The following ADGRG2 variants were observed in gnomAD, a reference collection of about 807,000 sequenced individuals.
ADGRG2 encodes the protein G protein-coupled receptor 64.
In ADGRG2, 26 loss-of-function variants were observed where a neutral mutation model predicts 74.1. That is an observed-to-expected ratio of 0.35 (90% CI 0.26 to 0.49). ADGRG2 has a LOEUF of 0.49. Ranked by LOEUF, ADGRG2 falls within the 20% of genes least tolerant of loss-of-function variation. The pLI is 0.99. For synonymous variants in ADGRG2, 296 were observed against 295.2 expected, an observed-to-expected ratio of 1.00 and a Z score of -0.03; for missense variants, 619 against 763.1, an observed-to-expected ratio of 0.81 and a Z score of 2.22.
At chrX:19,078,100 A>G (rs1469428933) in intron 2 of ADGRG2, among the ~76,000 whole-genome samples, 1 of 112,538 alleles carries the variant, frequency 8.9e-6, no homozygotes, top group African/African-American at 3.2e-5. Context: ...TGTGAAAACC[A>G]TCCAGACCAA....
chrX:19,107,212 G>A (rs1183344653), intron 1 of ADGRG2, among the ~76,000 whole-genome samples: 1 of 112,186 alleles, frequency 8.9e-6, no homozygotes, highest in Non-Finnish European at 1.9e-5. Context: ...TGCTGAATCC[G>A]CATATGCATT....
chrX:19,046,866 T>C (rs755229214), intron 3 of ADGRG2, among the ~76,000 whole-genome samples: 7 of 110,854 alleles, frequency 6.3e-5, no homozygotes, highest in Non-Finnish European at 1.1e-4. Context: ...TACCCTGACT[T>C]CCCCTTTCCT....
At chrX:19,080,490 G>A (rs1423200692) in intron 2 of ADGRG2, among the ~76,000 whole-genome samples, 1 of 110,928 alleles carries the variant, frequency 9.0e-6, no homozygotes, top group Non-Finnish European at 1.9e-5. Flanking sequence ...GTGTAAACTT[G>A]GGCTGTTCCT....
chrX:19,068,820 G>A lies in ADGRG2; in HGVS notation c.15C>T (p.Val5=). 9.1e-7 allele frequency: 1 copy of A among 1,099,953 alleles called. No homozygotes were observed. The allele number at this position is 1,099,953 out of a possible 1,213,427, so 90.6% of individuals were successfully genotyped here. ...TTCTGCCAACATGGCCACACTGCCT[G>A]ACAGAGAAAACCATCCTGGAATAAA... The part of the protein sequence containing the change: MVFS[V]RQCGHVGRTE... The change falls in exon 3 of 29, where the codon GTC becomes GTT. Residue 5 remains valine, a synonymous_variant. Transcript: ENST00000379869.
chrX:19,108,048 G>A (rs1367871716), intron 1 of ADGRG2, among the ~76,000 whole-genome samples: 1 of 102,482 alleles, frequency 9.8e-6, no homozygotes, highest in African/African-American at 3.6e-5. Flanking sequence ...GCAGTGAGCC[G>A]AGATCGCGCC....
intron 23 of ADGRG2, among the ~76,000 whole-genome samples, chrX:19,003,863 T>C (rs913837177): frequency 2.7e-5 from 3 of 112,188 alleles, no homozygotes; most frequent in Non-Finnish European, 5.6e-5. Flanking sequence ...AATGAGATCA[T>C]GGAAAGAAGA....
At chrX:19,046,737 C>A (rs185795345) in intron 3 of ADGRG2, among the ~76,000 whole-genome samples, 2 of 111,717 alleles carry the variant, frequency 1.8e-5, no homozygotes, top group Admixed American at 1.9e-4. Flanking sequence ...ATGAACAGAG[C>A]CACAAGGCAG....
At chrX:19,058,939 T>C (rs1029124480) in intron 3 of ADGRG2, among the ~76,000 whole-genome samples, 2 of 112,807 alleles carry the variant, frequency 1.8e-5, no homozygotes, top group Non-Finnish European at 1.9e-5. Context: ...GTTGCTTTTA[T>C]GCCTTAGATC....
chrX:19,021,750 C>T (rs1039602020), intron 13 of ADGRG2, among the ~76,000 whole-genome samples: 2 of 110,750 alleles, frequency 1.8e-5, no homozygotes, highest in Admixed American at 9.5e-5. Context: ...CAGGTTCAAG[C>T]GATTCTCCTC....
chrX:19,120,970 G>A lies in ADGRG2; in HGVS notation c.-47+1472C>T, dbSNP rs753075603. On this transcript the variant is annotated intron_variant, in intron 1 of 28. Transcript: ENST00000379869. The stretch of plus-strand genomic sequence containing the variant: ...GCTAATGCAAAGCTGTCCTTGGTGC[G>A]GAAGATTTGCATTTGTAGAGAATCT... Among the ~76,000 whole-genome samples the A allele has an allele frequency of 2.7e-5, 3 of 112,189 alleles. No homozygotes were observed. In the Admixed American group the frequency reaches 2.8e-4, roughly 11 times the overall value.
At chrX:19,062,082 T>C (rs1174073808) in intron 3 of ADGRG2, among the ~76,000 whole-genome samples, 6 of 111,837 alleles carry the variant, frequency 5.4e-5, no homozygotes, top group Non-Finnish European at 1.9e-5. Flanking sequence ...TCATCCTCCA[T>C]CTGACCCCTG....
intron 3 of ADGRG2, among the ~76,000 whole-genome samples, chrX:19,050,408 A>G (rs2061296449): frequency 8.9e-6 from 1 of 111,896 alleles, no homozygotes; most frequent in Non-Finnish European, 1.9e-5. Context: ...GAAGTCTGCG[A>G]GCATAGAACT....
chrX:19,037,966 A>G (rs1369013687), intron 4 of ADGRG2, among the ~76,000 whole-genome samples: 1 of 112,369 alleles, frequency 8.9e-6, no homozygotes, highest in East Asian at 2.8e-4. Flanking sequence ...GCATTCTAGA[A>G]AACATTTTAA....
At chrX:19,006,167 C>T in intron 21 of ADGRG2, 53 bp downstream of exon 21, 2 of 1,110,306 alleles carry the variant, frequency 1.8e-6, no homozygotes, top group Non-Finnish European at 2.5e-6. Flanking sequence ...TGACTTCACA[C>T]CCTCCCCAAT....
chrX:18,995,483 A>G (rs1325597542), intron 27 of ADGRG2, among the ~76,000 whole-genome samples: 1 of 111,724 alleles, frequency 9.0e-6, no homozygotes, highest in African/African-American at 3.3e-5. Flanking sequence ...GGTGGTATTC[A>G]TGCAAAAGGA....
intron 11 of ADGRG2, among the ~76,000 whole-genome samples, chrX:19,024,552 CAG>C (rs1219923127): frequency 8.9e-6 from 1 of 112,495 alleles, no homozygotes; most frequent in Non-Finnish European, 1.9e-5. Context: ...AGTTCTCAAA[CAG>C]GGGAGAGTCT....
chrX:19,053,857 G>A (rs954014035), intron 3 of ADGRG2, among the ~76,000 whole-genome samples: 1 of 111,472 alleles, frequency 9.0e-6, no homozygotes, highest in Non-Finnish European at 1.9e-5. Flanking sequence ...AAGAGCAAAG[G>A]GATGTCTTAT....
At chrX:19,091,492 TCACA>T (rs57540002) in intron 1 of ADGRG2, among the ~76,000 whole-genome samples, 6,620 of 82,257 alleles carry the variant, frequency 0.08, 259 homozygotes, top group African/African-American at 0.13. Flanking sequence ...AGATTTTATG[TCACA>T]CACACACACA....
In ADGRG2 at chrX:18,998,337, A is replaced by T. The variant is rs760625568; in HGVS notation, c.2614+659T>A. On this transcript the variant is annotated intron_variant, in intron 26 of 28. Transcript: ENST00000379869. ...CTTGAATACAAAAGTTTTTTTTTTT[A>T]AAAGAAACCAAGTGAAGGAAGAATA... Among the ~76,000 whole-genome samples the T allele has an allele frequency of 3.6e-3, 399 of 110,582 alleles. 1 individual carries two copies. Among genetic ancestry groups the T allele is most frequent in the African/African-American group, 0.013 (386 of 30,479 alleles).
Sources: gnomAD v4.1 joint callset for allele counts (sites outside exome capture counted in the v4.1 genomes callset) on GRCh38, gnomAD v4.1.1 for gene constraint, MANE v1.5 for transcripts, NCBI Gene and HGNC (gene_info 2026-07-23, HGNC 2026-07-21) for gene names.